UNC5D: variants seen among roughly 807,000 people sequenced by gnomAD.
UNC5D encodes the protein unc-5 netrin receptor D, also known as netrin receptor UNC5D.
UNC5D carries 39 observed loss-of-function variants against 105.4 expected under a neutral mutation model. That is an observed-to-expected ratio of 0.37 (90% confidence interval 0.29 to 0.48). The LOEUF (loss-of-function observed/expected upper bound fraction) is 0.48, where lower values mean the gene tolerates loss of function less well. Among genes scored for constraint, UNC5D ranks in the 20% least tolerant of loss-of-function variants. The pLI is 0.98. For synonymous variants in UNC5D, 452 were observed against 450.4 expected (o/e 1.00, Z -0.04); for missense variants, 991 against 1,202.4 (o/e 0.82, Z 2.60).
At chr8:35,470,601 C>CAAAAAA (rs143876201) in intron 1 of UNC5D, among the ~76,000 whole-genome samples, 1 of 119,848 alleles carries the variant, frequency 8.3e-6, no homozygotes, top group African/African-American at 3.2e-5. Flanking sequence ...ACAAAAAATG[C>CAAAAAA]AAAAAAAAAA....
At chr8:35,363,127 G>T (rs1366460061) in intron 1 of UNC5D, among the ~76,000 whole-genome samples, 1 of 151,944 alleles carries the variant, frequency 6.6e-6, no homozygotes, top group East Asian at 1.9e-4. Context: ...TATTTTTTAG[G>T]CTGTATTAGT....
intron 1 of UNC5D, among the ~76,000 whole-genome samples, chr8:35,245,082 C>T (rs1371164755): frequency 6.6e-6 from 1 of 152,156 alleles, no homozygotes; most frequent in Non-Finnish European, 1.5e-5. Context: ...ACTAGCTCCT[C>T]AATCTGCGTA....
chr8:35,296,009 C>CT (rs981524455), intron 1 of UNC5D, among the ~76,000 whole-genome samples: 2 of 152,254 alleles, frequency 1.3e-5, no homozygotes, highest in East Asian at 1.9e-4. Flanking sequence ...GGATTTCTTG[C>CT]TTTTTTGTGG....
At chr8:35,759,602 A>ATTTC in intron 14 of UNC5D, 133 bp downstream of exon 14, 12 of 1,045,068 alleles carry the variant, frequency 1.1e-5, no homozygotes, top group African/African-American at 1.6e-5. Context: ...TGTCACAGAA[A>ATTTC]TGTAACAGTT....
In UNC5D at chr8:35,520,110, C is replaced by T. The variant is rs78212472; in HGVS notation, c.104-29182C>T. Among the ~76,000 whole-genome samples, 825 of 152,128 alleles carry T rather than the reference C, an allele frequency of 5.4e-3. 7 individuals are homozygous for T. Among genetic ancestry groups the T allele is most frequent in the Non-Finnish European group, 7.6e-3 (515 of 67,958 alleles). On this transcript the variant is annotated intron_variant, in intron 1 of 16. Transcript: ENST00000404895. ...TGAAACACATGTTCATGTAAAATCT[C>T]GTTCATGAAGAGACATAGCAGAATT...
intron 11 of UNC5D, among the ~76,000 whole-genome samples, chr8:35,735,545 A>C (rs1829423938): frequency 6.6e-6 from 1 of 152,224 alleles, no homozygotes; most frequent in Admixed American, 6.5e-5. Flanking sequence ...GTAAGGATTG[A>C]GAAGGTAGAG....
chr8:35,320,330 T>C (rs968105855), intron 1 of UNC5D, among the ~76,000 whole-genome samples: 2 of 152,080 alleles, frequency 1.3e-5, no homozygotes, highest in African/African-American at 4.8e-5. Flanking sequence ...TGGGTTAAGA[T>C]ATGGAGTTGT....
At chr8:35,404,404 T>G (rs975501306) in intron 1 of UNC5D, among the ~76,000 whole-genome samples, 1 of 152,198 alleles carries the variant, frequency 6.6e-6, no homozygotes, top group Non-Finnish European at 1.5e-5. Flanking sequence ...AGCTGGGTTT[T>G]GTGGTGCTTG....
chr8:35,741,344 C>T (rs190557154), intron 11 of UNC5D, among the ~76,000 whole-genome samples: 1 of 152,242 alleles, frequency 6.6e-6, no homozygotes, highest in Admixed American at 6.5e-5. Flanking sequence ...CCCCGTATGC[C>T]ATCTCTTTCT....
At chr8:35,784,412 T>G (rs1373732720) in intron 16 of UNC5D, among the ~76,000 whole-genome samples, 2 of 152,062 alleles carry the variant, frequency 1.3e-5, no homozygotes, top group Non-Finnish European at 2.9e-5. Flanking sequence ...GGAAATGAAT[T>G]GAAGACAAAA....
At chr8:35,517,294 A>C (rs1813162653) in intron 1 of UNC5D, among the ~76,000 whole-genome samples, 1 of 152,240 alleles carries the variant, frequency 6.6e-6, no homozygotes, top group Non-Finnish European at 1.5e-5. Flanking sequence ...GGAACCAGGC[A>C]TATGGGTGGA....
intron 1 of UNC5D, among the ~76,000 whole-genome samples, chr8:35,396,217 G>T (rs1804091499): frequency 6.6e-6 from 1 of 152,104 alleles, no homozygotes; most frequent in Middle Eastern, 3.4e-3. Context: ...CTACTCTCAG[G>T]GTTGATGAGT....
At chr8:35,486,776 C>G (rs1450745553) in intron 1 of UNC5D, among the ~76,000 whole-genome samples, 2 of 152,054 alleles carry the variant, frequency 1.3e-5, no homozygotes, top group Non-Finnish European at 2.9e-5. Flanking sequence ...CTATTTTCAT[C>G]CTAAGGAAAA....
chr8:35,621,030 T>G (rs1434820498), intron 4 of UNC5D, among the ~76,000 whole-genome samples: 1 of 152,162 alleles, frequency 6.6e-6, no homozygotes, highest in Non-Finnish European at 1.5e-5. Flanking sequence ...ATCCTTGGCC[T>G]CTACCCATTC....
At chr8:35,300,649 T>C (rs2980402) in intron 1 of UNC5D, among the ~76,000 whole-genome samples, 124,552 of 151,908 alleles carry the variant, frequency 0.82, 51,522 homozygotes, top group East Asian at 1. Context: ...AACAATATTC[T>C]GACTAGATAT....
At chr8:35,751,368 A>G (rs1334261476) in intron 13 of UNC5D, among the ~76,000 whole-genome samples, 4 of 152,318 alleles carry the variant, frequency 2.6e-5, no homozygotes, top group Non-Finnish European at 5.9e-5. Flanking sequence ...CTCCAGCTGC[A>G]TGACTCCGAA....
intron 1 of UNC5D, among the ~76,000 whole-genome samples, chr8:35,509,450 T>A (rs993203645): frequency 2.6e-4 from 8 of 30,932 alleles, no homozygotes; most frequent in African/African-American, 7.4e-4. Flanking sequence ...CAAATATAGA[T>A]CCCTGTACAA....
intron 8 of UNC5D, among the ~76,000 whole-genome samples, chr8:35,707,611 T>A (rs1827669828): frequency 6.6e-6 from 1 of 152,160 alleles, no homozygotes; most frequent in Admixed American, 6.5e-5. Flanking sequence ...GTGCATGCTG[T>A]CCACTGATTC....
At chr8:35,303,746 G>A (rs754641980) in intron 1 of UNC5D, among the ~76,000 whole-genome samples, 3 of 152,096 alleles carry the variant, frequency 2.0e-5, no homozygotes, top group Non-Finnish European at 4.4e-5. Context: ...GAGGAGGCAG[G>A]CCTTCTGAGA....
Sources: allele counts gnomAD v4.1 joint callset (sites outside exome capture counted in the v4.1 genomes callset), GRCh38; gene constraint gnomAD v4.1.1; transcripts MANE v1.5; gene names NCBI Gene and HGNC (gene_info 2026-07-23, HGNC 2026-07-21).